TENM3: variants seen among roughly 807,000 people sequenced by gnomAD.
TENM3 encodes the protein teneurin transmembrane protein 3.
A neutral mutation model predicts 255.1 loss-of-function variants in TENM3; 63 were observed. The ratio of observed to expected loss-of-function variants is 0.25; its 90% CI spans 0.20 to 0.30. The LOEUF is 0.30. Ranked by LOEUF, TENM3 falls within the 10% of genes least tolerant of loss-of-function variation. The pLI is 1.00. For missense variants in TENM3, 2,929 were observed against 3,461.1 expected (o/e 0.85, Z 3.86); for synonymous variants, 1,306 against 1,322.3 (o/e 0.99, Z 0.27).
At chr4:182,638,943 T>C (rs1351474468) in intron 5 of TENM3, among the ~76,000 whole-genome samples, 1 of 152,244 alleles carries the variant, frequency 6.6e-6, no homozygotes, top group African/African-American at 2.4e-5. Flanking sequence ...GATTACTGCA[T>C]ATAATTTGTA....
At chr4:181,647,787 G>A in the TENM3 span, among the ~76,000 whole-genome samples, 7 of 152,128 alleles carry the variant, frequency 4.6e-5, no homozygotes, top group East Asian at 1.2e-3. Context: ...TCTTTTCTTG[G>A]TAGCGAAGAA....
At chr4:182,681,413 G>A (rs759587671) in intron 10 of TENM3, among the ~76,000 whole-genome samples, 29 of 152,194 alleles carry the variant, frequency 1.9e-4, no homozygotes, top group Middle Eastern at 3.2e-3. Context: ...AAGAAGGATA[G>A]AGAGTATGCA....
chr4:182,621,717 A>ATTATAATATATAATATG (rs1561016495), intron 4 of TENM3, among the ~76,000 whole-genome samples: 1 of 101,366 alleles, frequency 9.9e-6, no homozygotes, highest in Non-Finnish European at 1.8e-5. Context: ...TATATAATAT[A>ATTATAATATATAATATG]TATTATATAT....
the TENM3 span, among the ~76,000 whole-genome samples, chr4:181,706,174 C>T: frequency 4.8e-4 from 73 of 152,176 alleles, no homozygotes; most frequent in African/African-American, 1.7e-3. Context: ...TGTGTCTGCA[C>T]GTTGTCTTCC....
At chr4:182,372,501 A>G (rs1307192989) in intron 3 of TENM3, among the ~76,000 whole-genome samples, 2 of 152,190 alleles carry the variant, frequency 1.3e-5, no homozygotes, top group Non-Finnish European at 2.9e-5. Flanking sequence ...TCTGGAAAAT[A>G]TATTCTTCCA....
chr4:182,055,156 G>A, the TENM3 span, among the ~76,000 whole-genome samples: 7 of 152,048 alleles, frequency 4.6e-5, no homozygotes, highest in Non-Finnish European at 7.4e-5. Flanking sequence ...AGTCCAGTTT[G>A]GGCAAGATGG....
chr4:182,302,450 G>A (rs4861504), intron 1 of TENM3, among the ~76,000 whole-genome samples: 34,765 of 152,024 alleles, frequency 0.23, 4,523 homozygotes, highest in African/African-American at 0.35. Context: ...TTCAACAGAC[G>A]GATCTACTTC....
At chr4:181,789,663 T>C in the TENM3 span, among the ~76,000 whole-genome samples, 5 of 151,906 alleles carry the variant, frequency 3.3e-5, no homozygotes, top group African/African-American at 1.2e-4. Flanking sequence ...GATTTCAGGG[T>C]TGGGATTTTC....
At chr4:181,541,080 A>G in the TENM3 span, among the ~76,000 whole-genome samples, 145 of 152,312 alleles carry the variant, frequency 9.5e-4, no homozygotes, top group Non-Finnish European at 1.6e-3. Flanking sequence ...AAGTATATGC[A>G]TTGAAAGTTC....
chr4:182,342,001 GC>G (rs1389680001), intron 2 of TENM3, among the ~76,000 whole-genome samples: 3 of 152,096 alleles, frequency 2.0e-5, no homozygotes, highest in African/African-American at 7.2e-5. Flanking sequence ...GTGTTCATGA[GC>G]CTGTGCAGAA....
the TENM3 span, among the ~76,000 whole-genome samples, chr4:181,671,051 T>G: frequency 6.6e-6 from 1 of 152,248 alleles, no homozygotes; most frequent in East Asian, 1.9e-4. Context: ...TGTACATAAT[T>G]TATAGAAAAT....
intron 1 of TENM3, among the ~76,000 whole-genome samples, chr4:182,233,961 G>A (rs1178423789): frequency 6.6e-6 from 1 of 152,192 alleles, no homozygotes; most frequent in African/African-American, 2.4e-5. Flanking sequence ...CAGCTTTCCA[G>A]GCGTCTGATT....
the TENM3 span, among the ~76,000 whole-genome samples, chr4:181,606,492 G>T: frequency 1.3e-5 from 2 of 152,142 alleles, no homozygotes; most frequent in Non-Finnish European, 2.9e-5. Context: ...GCATGTCTGT[G>T]TGTGTATGTG....
the TENM3 span, among the ~76,000 whole-genome samples, chr4:181,781,544 T>C: frequency 1.3e-5 from 2 of 152,204 alleles, no homozygotes; most frequent in African/African-American, 2.4e-5. Flanking sequence ...TTTCTAAATA[T>C]ACAGTCATGT....
At chr4:181,664,804 CG>C in the TENM3 span, among the ~76,000 whole-genome samples, 3 of 152,158 alleles carry the variant, frequency 2.0e-5, no homozygotes, top group African/African-American at 7.2e-5. Flanking sequence ...ACATTGACCC[CG>C]CTCTTGCTCT....
chr4:181,505,705 A>G, the TENM3 span, among the ~76,000 whole-genome samples: 5 of 152,332 alleles, frequency 3.3e-5, no homozygotes, highest in East Asian at 9.7e-4. Context: ...TCTAAATTTA[A>G]TGATCCAAAG....
intron 3 of TENM3, among the ~76,000 whole-genome samples, chr4:182,510,606 A>C (rs544482047): frequency 2.0e-5 from 3 of 152,192 alleles, no homozygotes; most frequent in Admixed American, 2.0e-4. Flanking sequence ...CTTACAATCA[A>C]TGACATTTCC....
chr4:182,488,147 T>A (rs984190728), intron 3 of TENM3, among the ~76,000 whole-genome samples: 10 of 152,136 alleles, frequency 6.6e-5, no homozygotes, highest in African/African-American at 2.4e-4. Flanking sequence ...AAGACGGTGC[T>A]GACAAGCACA....
At chr4:181,564,028 CTTTTCTTTTTTCTTTTTTTTTT>C in the TENM3 span, among the ~76,000 whole-genome samples, 3 of 94,714 alleles carry the variant, frequency 3.2e-5, no homozygotes, top group Non-Finnish European at 6.4e-5. Context: ...CTTTTCTTTT[CTTTTCTTTTTTCTTTTTTTTTT>C]TTTTTTTTGA....
Sources: allele counts gnomAD v4.1 joint callset (sites outside exome capture counted in the v4.1 genomes callset), GRCh38; gene constraint gnomAD v4.1.1; transcripts MANE v1.5; gene names NCBI Gene and HGNC (gene_info 2026-07-23, HGNC 2026-07-21).